ZNF540: variants seen among roughly 807,000 people sequenced by gnomAD.
ZNF540 encodes CTD-3064H18.6.
In ZNF540, 3 loss-of-function variants were observed where a neutral mutation model predicts 11.8. That is an observed-to-expected ratio of 0.25 (90% CI 0.12 to 0.65). The LOEUF is 0.65. Ranked by LOEUF, ZNF540 falls within the 30% of genes least tolerant of loss-of-function variation. The pLI is 0.83. For missense variants in ZNF540, 709 were observed against 793.1 expected (o/e 0.89, Z 1.27); for synonymous variants, 247 against 259.0 (o/e 0.95, Z 0.45).
rs556199186 is a variant in ZNF540 at position 37,559,801 on chromosome 19, C to T, written c.-73+8136C>T. ...TACACTGTACTATTTTATTTTTGCC[C>T]ATGTTTAAAATTTTCTAAAGTTAAA... On this transcript the variant is annotated intron_variant, in intron 1 of 4. Transcript: ENST00000592533. Among the ~76,000 whole-genome samples, 39 of 152,144 alleles carry T rather than the reference C, an allele frequency of 2.6e-4. 1 individual carries two copies. The South Asian group carries it at 7.9e-3, about 31-fold the overall frequency.
At chr19:37,590,087 T>C (rs1440543431), upstream of ZNF540, among the ~76,000 whole-genome samples, 3 of 132,954 alleles carry the variant, frequency 2.3e-5, no homozygotes, top group African/African-American at 8.7e-5. Context: ...GATTTTGGAT[T>C]GGACGCCAGA....
At chr19:37,573,135 CTT>C (rs138972594) in intron 1 of ZNF540, among the ~76,000 whole-genome samples, 1 of 150,268 alleles carries the variant, frequency 6.7e-6, no homozygotes, top group Non-Finnish European at 1.5e-5. Context: ...TCTTCCAACT[CTT>C]TTTTTTTTCT....
chr19:37,564,563 A>C, intron 1 of ZNF540: 1 of 1,452,948 alleles, frequency 6.9e-7, no homozygotes, highest in Non-Finnish European at 9.1e-7. Flanking sequence ...AAATAGATGA[A>C]GATTTTCTTA....
intron 1 of ZNF540, among the ~76,000 whole-genome samples, chr19:37,553,983 ATTTCT>A (rs2042634904): frequency 6.6e-6 from 1 of 152,104 alleles, no homozygotes; most frequent in Non-Finnish European, 1.5e-5. Flanking sequence ...CTTACCATTC[ATTTCT>A]TTTTTCATTT....
upstream of ZNF540, among the ~76,000 whole-genome samples, chr19:37,593,021 A>G (rs537437667): frequency 2.4e-4 from 36 of 152,312 alleles, no homozygotes; most frequent in Non-Finnish European, 4.4e-4. Flanking sequence ...TGTCTTTGAA[A>G]TAATTGGGAA....
At chr19:37,567,098 C>T (rs2042888182) in intron 1 of ZNF540, among the ~76,000 whole-genome samples, 1 of 152,176 alleles carries the variant, frequency 6.6e-6, no homozygotes, top group African/African-American at 2.4e-5. Context: ...CTTGTTCCCT[C>T]ATTTCAGTTT....
chr19:37,557,465 C>T (rs943184800), intron 1 of ZNF540, among the ~76,000 whole-genome samples: 5 of 152,168 alleles, frequency 3.3e-5, no homozygotes, highest in Admixed American at 6.5e-5. Context: ...TGAGTGAGGG[C>T]GATCAATTCA....
At chr19:37,572,284 G>A (rs1049113113) in intron 1 of ZNF540, among the ~76,000 whole-genome samples, 1 of 152,130 alleles carries the variant, frequency 6.6e-6, no homozygotes, top group African/African-American at 2.4e-5. Flanking sequence ...ACTTTGTGTG[G>A]TTTCAGTTAC....
chr19:37,584,049 A>C, intron 1 of ZNF540: 1 of 1,614,150 alleles, frequency 6.2e-7, no homozygotes, highest in Middle Eastern at 1.7e-4. Flanking sequence ...AGGCATTCCC[A>C]TTCCTCCTGA....
chr19:37,581,253 C>T (rs1169590727), intron 1 of ZNF540, among the ~76,000 whole-genome samples: 4 of 152,088 alleles, frequency 2.6e-5, no homozygotes, highest in Admixed American at 2.6e-4. Context: ...TTGCCAAATC[C>T]ATAATAGATT....
chr19:37,568,731 CTT>C (rs761923886), intron 1 of ZNF540, among the ~76,000 whole-genome samples: 1 of 151,934 alleles, frequency 6.6e-6, no homozygotes, highest in African/African-American at 2.4e-5. Flanking sequence ...AGTAGCAGCT[CTT>C]TTTATTGTCA....
chr19:37,583,847 G>A (rs1248512819), intron 1 of ZNF540: 6 of 926,286 alleles, frequency 6.5e-6, no homozygotes, highest in Non-Finnish European at 9.9e-6. Flanking sequence ...ACACGGTGGA[G>A]CTGTCCATTT....
At chr19:37,596,006 G>A (rs995866425) in intron 1 of ZNF540, among the ~76,000 whole-genome samples, 5 of 152,036 alleles carry the variant, frequency 3.3e-5, no homozygotes, top group Non-Finnish European at 7.4e-5. Flanking sequence ...TTAAATTTGA[G>A]ATGATTGTAG....
At chr19:37,593,725 A>C (rs1050423468), upstream of ZNF540, among the ~76,000 whole-genome samples, 1 of 152,056 alleles carries the variant, frequency 6.6e-6, no homozygotes, top group Non-Finnish European at 1.5e-5. Context: ...AACAAACAAA[A>C]AAATCTTAGA....
At chr19:37,557,450 G>A (rs2042671471) in intron 1 of ZNF540, among the ~76,000 whole-genome samples, 1 of 152,202 alleles carries the variant, frequency 6.6e-6, no homozygotes, top group African/African-American at 2.4e-5. Flanking sequence ...CCCCATCGGA[G>A]AGCCTGAGTG....
intron 1 of ZNF540, chr19:37,551,727 CAGG>C (rs2042607113): frequency 6.6e-6 from 1 of 152,368 alleles, no homozygotes; most frequent in Admixed American, 6.5e-5. Flanking sequence ...TTCTGGCGGA[CAGG>C]AGAACCAAGC....
intron 4 of ZNF540, among the ~76,000 whole-genome samples, chr19:37,605,665 A>G (rs2044079919): frequency 1.3e-5 from 2 of 151,990 alleles, no homozygotes; most frequent in Non-Finnish European, 2.9e-5. Context: ...AAAGAAAGAA[A>G]CTGTCCAAAG....
At chr19:37,584,240 T>TA (rs2043581610) in intron 1 of ZNF540, 1 of 1,000,576 alleles carries the variant, frequency 1.0e-6, no homozygotes, top group Non-Finnish European at 1.5e-6. Context: ...ATTAACCTGA[T>TA]TCTCTATCAT....
intron 4 of ZNF540, among the ~76,000 whole-genome samples, chr19:37,604,085 TTTAAAA>T (rs1182575797): frequency 3.9e-5 from 6 of 152,256 alleles, no homozygotes; most frequent in African/African-American, 1.4e-4. Flanking sequence ...CTAAACTAAC[TTTAAAA>T]TTATCTGTTC....
Sources: gnomAD v4.1 joint callset for allele counts (sites outside exome capture counted in the v4.1 genomes callset) on GRCh38, gnomAD v4.1.1 for gene constraint, MANE v1.5 for transcripts, NCBI Gene and HGNC (gene_info 2026-07-23, HGNC 2026-07-21) for gene names.